INPP5F: variants seen among roughly 807,000 people sequenced by gnomAD.
The protein encoded by INPP5F is phosphatidylinositide 4-phosphatase SAC2.
In INPP5F, 97 loss-of-function variants were observed where a neutral mutation model predicts 137.2. The ratio of observed to expected loss-of-function variants is 0.71; its 90% CI spans 0.60 to 0.84. The LOEUF (loss-of-function observed/expected upper bound fraction) is 0.84, where lower values mean the gene tolerates loss of function less well. Among genes scored for constraint, INPP5F ranks in the 40% least tolerant of loss-of-function variants. The pLI, the probability that INPP5F is intolerant of heterozygous loss-of-function variation, is 0.00. For missense variants in INPP5F, 1,271 were observed against 1,371.9 expected (o/e 0.93, Z 1.16); for synonymous variants, 504 against 476.9 (o/e 1.06, Z -0.74).
chr10:119,758,261 G>T (rs1217798785), intron 2 of INPP5F, among the ~76,000 whole-genome samples: 2 of 152,240 alleles, frequency 1.3e-5, no homozygotes, highest in Non-Finnish European at 2.9e-5. Flanking sequence ...CATATGGGTG[G>T]AGCTGGTGCT....
chr10:119,810,874 CT>C (rs1851003836), intron 14 of INPP5F, among the ~76,000 whole-genome samples: 1 of 152,148 alleles, frequency 6.6e-6, no homozygotes, highest in Admixed American at 6.5e-5. Flanking sequence ...CCCTGAGGGT[CT>C]TTTTGAAATC....
At chr10:119,761,216 T>C (rs1287988995) in intron 2 of INPP5F, among the ~76,000 whole-genome samples, 5 of 152,240 alleles carry the variant, frequency 3.3e-5, no homozygotes, top group African/African-American at 1.2e-4. Flanking sequence ...ACTTTTGAAA[T>C]AGAGCCTATT....
In INPP5F at chr10:119,826,596, T is replaced by TG. The variant is rs750839541; in HGVS notation, c.2250-31dup. The TG allele has an allele frequency of 2.6e-4, 378 of 1,475,174 alleles. 1 individual carries two copies. The highest frequency in any genetic ancestry group is 3.2e-4 in the Non-Finnish European group (351 of 1,092,270). 91.4% of individuals were successfully genotyped at this position (1,475,174 alleles called of 1,614,324 possible). A position where few individuals can be genotyped will look rare whatever the true frequency, so the allele number is the denominator to read the frequency against. ...ACTGGAACTGGCATATTGGATTCCA[T>TG]GGGGAATTAACTTTTTTTCTCTTCT... On this transcript the variant is annotated intron_variant, in intron 19 of 19. Coordinates refer to ENST00000650623, the MANE Select transcript of INPP5F (RefSeq NM_014937.4).
In INPP5F at chr10:119,814,951, C is replaced by T. The variant is rs555517957; in HGVS notation, c.1886+2996C>T. ...CGCGATCTCGGCTCACTGCAAGTTC[C>T]GCCTCCTGGGTTCACGCCATTCTTC... is the stretch of plus-strand genomic sequence containing the variant. On this transcript the variant is annotated intron_variant, in intron 15 of 19. Coordinates refer to ENST00000650623, the MANE Select transcript of INPP5F (RefSeq NM_014937.4). Among the ~76,000 whole-genome samples the T allele has an allele frequency of 5.3e-5, 8 of 152,168 alleles. No individual in the cohort carries two copies. The South Asian group carries it at 1.2e-3, about 24-fold the overall frequency.
intron 15 of INPP5F, among the ~76,000 whole-genome samples, chr10:119,818,300 C>T (rs1290299006): frequency 6.6e-6 from 1 of 152,260 alleles, no homozygotes; most frequent in African/African-American, 2.4e-5. Context: ...CTCGCCTCTC[C>T]GCTAAGCCAA....
At chr10:119,743,700 C>A (rs1374859656) in intron 1 of INPP5F, among the ~76,000 whole-genome samples, 1 of 152,022 alleles carries the variant, frequency 6.6e-6, no homozygotes, top group East Asian at 1.9e-4. Context: ...CAGGGTCTCA[C>A]AAGCCTTTCC....
At chr10:119,769,048 G>T (rs1027256927) in intron 2 of INPP5F, among the ~76,000 whole-genome samples, 17 of 152,048 alleles carry the variant, frequency 1.1e-4, no homozygotes, top group African/African-American at 3.6e-4. Context: ...CATGGAGTGG[G>T]GAATAGTGGT....
intron 9 of INPP5F, 101 bp downstream of exon 9, chr10:119,798,711 A>G (rs1850476889): frequency 4.5e-6 from 3 of 668,210 alleles, no homozygotes; most frequent in Admixed American, 3.1e-5. Flanking sequence ...AAATTAAAGC[A>G]TTTGTCATGA....
chr10:119,807,092 G>A (rs1334254600), intron 12 of INPP5F, among the ~76,000 whole-genome samples: 2 of 151,938 alleles, frequency 1.3e-5, no homozygotes, highest in African/African-American at 2.4e-5. Context: ...CCAAAATGGC[G>A]AGACCCCCTG....
chr10:119,775,819 C>G (rs112696397), intron 2 of INPP5F, among the ~76,000 whole-genome samples: 2 of 152,106 alleles, frequency 1.3e-5, no homozygotes, highest in Admixed American at 1.3e-4. Flanking sequence ...AAAATCCTAT[C>G]GGCCAGTTGC....
intron 2 of INPP5F, among the ~76,000 whole-genome samples, chr10:119,765,167 C>G (rs1250247432): frequency 6.6e-6 from 1 of 152,114 alleles, no homozygotes; most frequent in East Asian, 1.9e-4. Flanking sequence ...CCCCTGACCT[C>G]AGGTGATCCA....
Position 119,798,253 on chromosome 10 carries a change from G to C in INPP5F, c.1049-290G>C, listed in dbSNP as rs1850456797. On this transcript the variant is annotated intron_variant, in intron 8 of 19. Transcript: ENST00000650623. ...GGTTTTTAAAATATTGTTTTAGAGGGGTTTTTATTCTCTTATAAACTACGT... is the reference window on the plus strand; with the variant it reads ...GGTTTTTAAAATATTGTTTTAGAGGCGTTTTTATTCTCTTATAAACTACGT... Among the ~76,000 whole-genome samples, 10 of 151,900 alleles carry C rather than the reference G, an allele frequency of 6.6e-5. No homozygotes were observed. In the South Asian group the frequency reaches 2.1e-3, roughly 32 times the overall value.
rs1343639326 is a variant in INPP5F at position 119,823,807 on chromosome 10, G to T, written c.2162-8G>T. On this transcript the variant is annotated splice_polypyrimidine_tract_variant and splice_region_variant and intron_variant, in intron 18 of 19. Coordinates refer to ENST00000650623, the MANE Select transcript of INPP5F (RefSeq NM_014937.4). ...AGAAATTGGCAGGCAGTTATATTTG[G>T]GTTGCAGATACCCTTCAGTGCATTG... 1.2e-6 allele frequency: 2 copies of T among 1,609,870 alleles called. No individual in the cohort carries two copies. The highest frequency in any genetic ancestry group is 1.7e-6 in the Non-Finnish European group (2 of 1,177,142).
chr10:119,796,569 T>C lies in INPP5F; in HGVS notation c.670-146T>C, dbSNP rs1036550520. 1.2e-4 allele frequency: 87 copies of C among 729,830 alleles called. 2 individuals carry two copies. In the Middle Eastern group the frequency reaches 3.1e-3, roughly 26 times the overall value. The allele number at this position is 729,830 out of a possible 1,614,324, so 45.2% of individuals were successfully genotyped here. A position where few individuals can be genotyped will look rare whatever the true frequency, so the allele number is the denominator to read the frequency against. ...TCCTCTGTCCGTTCCTTACGTGGTGTTCTTCAATAAGCAGAAAATATGGTT... is the reference window on the plus strand; with the variant it reads ...TCCTCTGTCCGTTCCTTACGTGGTGCTCTTCAATAAGCAGAAAATATGGTT... On this transcript the variant is annotated intron_variant, in intron 6 of 19. Coordinates refer to ENST00000650623, the MANE Select transcript of INPP5F (RefSeq NM_014937.4).
chr10:119,746,339 CT>C (rs776165187), intron 1 of INPP5F, among the ~76,000 whole-genome samples: 2 of 152,092 alleles, frequency 1.3e-5, no homozygotes, highest in Non-Finnish European at 2.9e-5. Flanking sequence ...TTCTGTATTC[CT>C]AAAGCTTATT....
intron 4 of INPP5F, 41 bp from the exon 5 acceptor site, chr10:119,791,828 A>T: frequency 6.7e-7 from 1 of 1,496,364 alleles, no homozygotes; most frequent in Non-Finnish European, 9.1e-7. Context: ...AGACTACTTT[A>T]CATTTAATTT....
intron 19 of INPP5F, among the ~76,000 whole-genome samples, chr10:119,826,307 T>G (rs1330905000): frequency 2.0e-5 from 3 of 152,206 alleles, no homozygotes; most frequent in African/African-American, 7.2e-5. Context: ...CTATATTGAA[T>G]TAGTCCAAAA....
chr10:119,785,535 CGAGAGAGAGAGAGAGAGAGAGA>C (rs59804262), intron 3 of INPP5F, among the ~76,000 whole-genome samples: 2 of 93,628 alleles, frequency 2.1e-5, no homozygotes, highest in South Asian at 8.6e-4. Flanking sequence ...GTGATCCGCT[CGAGAGAGAGAGAGAGAGAGAGA>C]GAGAGAGAGA....
chr10:119,750,426 TG>T (rs983834967), intron 1 of INPP5F, among the ~76,000 whole-genome samples: 2 of 152,182 alleles, frequency 1.3e-5, no homozygotes, highest in Admixed American at 1.3e-4. Flanking sequence ...GCTTCTCTCT[TG>T]TGTGTCTAGA....
Sources: allele counts gnomAD v4.1 joint callset (sites outside exome capture counted in the v4.1 genomes callset), GRCh38; gene constraint gnomAD v4.1.1; transcripts MANE v1.5; gene names NCBI Gene and HGNC (gene_info 2026-07-23, HGNC 2026-07-21).